ADPRM: variants seen among roughly 807,000 people sequenced by gnomAD.
ADPRM encodes the protein ADP-ribose/CDP-alcohol diphosphatase, manganese dependent.
A neutral mutation model predicts 27.2 loss-of-function variants in ADPRM; 17 were observed. The ratio of observed to expected loss-of-function variants is 0.63; its 90% CI spans 0.43 to 0.94. ADPRM has a LOEUF of 0.94. Among genes scored for constraint, ADPRM ranks in the 40% least tolerant of loss-of-function variants. ADPRM has a pLI of 0.00. For synonymous variants in ADPRM, 135 were observed against 145.3 expected (o/e 0.93, Z 0.51); for missense variants, 337 against 412.8 (o/e 0.82, Z 1.59).
chr17:10,711,180 G>A lies in ADPRM; in HGVS notation c.*36G>A. On this transcript the variant is annotated 3_prime_UTR_variant, in exon 4 of 4. Coordinates refer to ENST00000379774, the MANE Select transcript of ADPRM (RefSeq NM_020233.5). ...TTTAACTTGATAGAAAATGAGCTTT[G>A]TGTTTGTCCCTCCTAAACAAAAAAA... The A allele has an allele frequency of 6.6e-7, 1 of 1,523,126 alleles. No homozygotes were observed. The highest frequency in any genetic ancestry group is 2.3e-5 in the East Asian group (1 of 44,092). The allele number at this position is 1,523,126 out of a possible 1,614,324, so 94.4% of individuals were successfully genotyped here. A position where few individuals can be genotyped will look rare whatever the true frequency, so the allele number is the denominator to read the frequency against.
Position 10,705,148 on chromosome 17 carries a change from T to G in ADPRM, c.222T>G (p.Asp74Glu), listed in dbSNP as rs1161545999. 5.0e-6 allele frequency: 8 copies of G among 1,614,010 alleles called. No homozygotes were observed. The highest frequency in any genetic ancestry group is 6.8e-6 in the Non-Finnish European group (8 of 1,180,008). Reference sequence around the variant, plus strand: ...CCTGTTGTGTCCTTCAGCTTGGAGATATCATCGATGGATATAATGCACAGT... The same window carrying G: ...CCTGTTGTGTCCTTCAGCTTGGAGAGATCATCGATGGATATAATGCACAGT... ...SMPCCVLQLG[D>E]IIDGYNAQYN... Residue 74 changes from aspartate to glutamate, a missense_variant, in exon 2 of 4, where the codon GAT becomes GAG. By Grantham distance (45) the Asp-to-Glu change is conservative (BLOSUM62 2). Transcript: ENST00000379774. The surrounding 1 kb of genome is among the most constrained non-coding windows in gnomAD (Gnocchi z 5.4).
Position 10,705,697 on chromosome 17 carries a change from T to G in ADPRM, c.601+170T>G. 2.7e-6 allele frequency: 3 copies of G among 1,110,690 alleles called. No individual in the cohort carries two copies. The highest frequency in any genetic ancestry group is 3.2e-5 in the African/African-American group (2 of 63,240). 68.8% of individuals were successfully genotyped at this position (1,110,690 alleles called of 1,614,324 possible). A position where few individuals can be genotyped will look rare whatever the true frequency, so the allele number is the denominator to read the frequency against. ...GGATTGGTTACAGTTGATTCAAGAT[T>G]GATTTAACAGATATTTTAAATGCCT... On this transcript the variant is annotated intron_variant, in intron 2 of 3. Transcript: ENST00000379774. This position sits in a 1 kb window ranked among gnomAD's most constrained non-coding sequence, Gnocchi z 5.4.
chr17:10,707,648 A>G (rs2074821615), intron 3 of ADPRM, among the ~76,000 whole-genome samples: 2 of 152,218 alleles, frequency 1.3e-5, no homozygotes, highest in African/African-American at 4.8e-5. Context: ...CCTGCCTATC[A>G]GCAAAGTGGC....
chr17:10,700,217 T>G (rs1433707728), intron 1 of ADPRM, among the ~76,000 whole-genome samples: 1 of 152,194 alleles, frequency 6.6e-6, no homozygotes, highest in Non-Finnish European at 1.5e-5. Context: ...GACAATAGAG[T>G]GAAGAAATCA....
At chr17:10,701,654 A>G (rs188208246) in intron 1 of ADPRM, among the ~76,000 whole-genome samples, 2 of 152,312 alleles carry the variant, frequency 1.3e-5, no homozygotes, top group African/African-American at 2.4e-5. Flanking sequence ...AAACACACAT[A>G]AAAGTAGTTA....
In ADPRM at chr17:10,702,776, C is replaced by G. The variant is rs2074787320; in HGVS notation, c.-17-2134C>G. The stretch of plus-strand genomic sequence containing the variant: ...CCAGCCAGTGAATGGGGTTGGAGGT[C>G]AGACCACAAGAACTGAGAGTGGGGA... On this transcript the variant is annotated intron_variant, in intron 1 of 3. Coordinates refer to ENST00000379774, the MANE Select transcript of ADPRM (RefSeq NM_020233.5). The surrounding 1 kb of genome is among the most constrained non-coding windows in gnomAD (Gnocchi z 4.2). Among the ~76,000 whole-genome samples the G allele has an allele frequency of 6.6e-6, 1 of 152,162 alleles. No individual in the cohort carries two copies. The highest frequency in any genetic ancestry group is 1.5e-5 in the Non-Finnish European group (1 of 68,028).
intron 3 of ADPRM, 85 bp from the exon 4 acceptor site, chr17:10,710,749 T>G: frequency 7.6e-7 from 1 of 1,324,224 alleles, no homozygotes; most frequent in South Asian, 1.4e-5. Context: ...TTTTTCTTTT[T>G]CTGAGTACTA....
In ADPRM at chr17:10,697,659, C is replaced by G. The variant is rs1276057334; in HGVS notation, c.-26C>G. ...GTCAGAGGCCTTTCAGCCCAGGGGC[C>G]GGCGCACGGTAGGTAGTTCCCTGCG... On this transcript the variant is annotated 5_prime_UTR_variant, in exon 1 of 4. Transcript: ENST00000379774. The G allele has an allele frequency of 7.2e-6, 7 of 965,790 alleles. No individual in the cohort carries two copies. The highest frequency in any genetic ancestry group is 1.1e-5 in the Non-Finnish European group (7 of 628,024). 59.8% of individuals were successfully genotyped at this position (965,790 alleles called of 1,614,324 possible).
chr17:10,707,071 C>T (rs986369457), intron 3 of ADPRM, among the ~76,000 whole-genome samples: 3 of 152,094 alleles, frequency 2.0e-5, no homozygotes, highest in African/African-American at 7.2e-5. Flanking sequence ...ACCTTCTCTC[C>T]ATAAGAGAAG....
At chr17:10,710,227 G>GC (rs2074842154) in intron 3 of ADPRM, among the ~76,000 whole-genome samples, 2 of 152,166 alleles carry the variant, frequency 1.3e-5, no homozygotes, top group South Asian at 4.2e-4. Flanking sequence ...TCAGCCTCCC[G>GC]AGTAGCTGGA....
chr17:10,703,853 G>A (rs964617621), intron 1 of ADPRM, among the ~76,000 whole-genome samples: 9 of 152,130 alleles, frequency 5.9e-5, no homozygotes, highest in African/African-American at 2.2e-4. Flanking sequence ...AATCATTAGC[G>A]TTCTGGGCTC....
chr17:10,706,528 C>T lies in ADPRM; in HGVS notation c.692C>T (p.Thr231Ile), dbSNP rs550232177. ...AATGAAGTGCTAACATTCTCTGACA[C>T]AAACCAAGAAAAGGTGGTGATTGTG... ...WLNEVLTFSDTNQEKVVIVSH... is the reference protein window; with the variant it reads ...WLNEVLTFSDINQEKVVIVSH... The change falls in exon 3 of 4, where the codon ACA becomes ATA. Residue 231 changes from threonine (T) to isoleucine (I), a missense_variant. Physicochemically the swap from Thr to Ile is moderately conservative, Grantham distance 89. Transcript: ENST00000379774. 2.5e-6 allele frequency: 4 copies of T among 1,583,770 alleles called. No individual in the cohort carries two copies. The South Asian group carries it at 4.7e-5, about 19-fold the overall frequency.
Position 10,710,970 on chromosome 17 carries a change from T to G in ADPRM, c.855T>G (p.Ser285=). The change falls in exon 4 of 4, where the codon TCT becomes TCG. Residue 285 remains serine (S), a synonymous_variant. Coordinates refer to ENST00000379774, the MANE Select transcript of ADPRM (RefSeq NM_020233.5). The part of the protein sequence containing the change: ...FAGHTHDGGY[S]EDPFGVYHVN... ...GTCACACCCATGATGGTGGCTACTC[T>G]GAGGATCCTTTTGGTGTATACCACG... The G allele has an allele frequency of 6.2e-7, 1 of 1,614,146 alleles. No individual in the cohort carries two copies. Among genetic ancestry groups the G allele is most frequent in the African/African-American group, 1.3e-5 (1 of 75,060 alleles).
At chr17:10,697,928 C>G (rs2074746206) in intron 1 of ADPRM, 1 of 205,388 alleles carries the variant, frequency 4.9e-6, no homozygotes, top group Non-Finnish European at 9.7e-6. Context: ...TGGGCAGCCC[C>G]CATAACCCTA....
chr17:10,707,119 T>C (rs1033448020), intron 3 of ADPRM, among the ~76,000 whole-genome samples: 3 of 152,082 alleles, frequency 2.0e-5, no homozygotes, highest in Non-Finnish European at 4.4e-5. Context: ...CCATGATAAC[T>C]AAGACATAAA....
intron 3 of ADPRM, among the ~76,000 whole-genome samples, chr17:10,709,862 T>C (rs1478124743): frequency 6.6e-6 from 1 of 152,242 alleles, no homozygotes; most frequent in East Asian, 1.9e-4. Context: ...GAACCGTGGC[T>C]TGATCATAGA....
rs116001500 is a variant in ADPRM, at chr17:10,705,590, A to G, written c.601+63A>G. ...TCTTTAAATTCTTCAGCTACCTTTTATTCAGCAGGAAGATGGACAATTAAG... is the reference window on the plus strand; with the variant it reads ...TCTTTAAATTCTTCAGCTACCTTTTGTTCAGCAGGAAGATGGACAATTAAG... On this transcript the variant is annotated intron_variant, in intron 2 of 3. Coordinates refer to ENST00000379774, the MANE Select transcript of ADPRM (RefSeq NM_020233.5). The surrounding 1 kb of genome is among the most constrained non-coding windows in gnomAD (Gnocchi z 5.4). 5.6e-4 allele frequency: 871 copies of G among 1,566,940 alleles called. 10 individuals carry two copies. In the African/African-American group the frequency reaches 0.011, roughly 20 times the overall value.
At chr17:10,703,108 A>G (rs2074789422) in intron 1 of ADPRM, among the ~76,000 whole-genome samples, 2 of 152,188 alleles carry the variant, frequency 1.3e-5, no homozygotes, top group Admixed American at 6.5e-5. Flanking sequence ...AACCTTGGTG[A>G]TAATATTCAT....
intron 1 of ADPRM, 95 bp downstream of exon 1, chr17:10,697,762 T>TA (rs1246522614): frequency 3.6e-6 from 2 of 558,672 alleles, no homozygotes; most frequent in Non-Finnish European, 6.4e-6. Flanking sequence ...GGGGCTGCCT[T>TA]AGGGGTCCAG....
Sources: gnomAD v4.1 joint callset for allele counts (sites outside exome capture counted in the v4.1 genomes callset) on GRCh38, gnomAD v4.1.1 for gene constraint, Gnocchi (gnomAD v3.1) non-coding constraint, MANE v1.5 for transcripts, NCBI Gene and HGNC (gene_info 2026-07-23, HGNC 2026-07-21) for gene names.